MICAL3: variants seen among roughly 807,000 people sequenced by gnomAD.
MICAL3 encodes the protein [F-actin]-monooxygenase MICAL3.
Under a neutral mutation model 207.4 loss-of-function variants are expected in MICAL3, and 62 were observed. The ratio of observed to expected loss-of-function variants is 0.30; its 90% confidence interval spans 0.24 to 0.37. The LOEUF is 0.37. MICAL3 is among the 10% of genes least tolerant of loss of function. The pLI is 1.00. For missense variants in MICAL3, 2,368 were observed against 2,635.6 expected (o/e 0.90, Z 2.22); for synonymous variants, 1,077 against 1,069.3 (o/e 1.01, Z -0.14).
intron 22 of MICAL3, chr22:17,826,637 C>T (rs1370095357): frequency 2.8e-5 from 9 of 323,976 alleles, no homozygotes; most frequent in East Asian, 3.4e-4. Flanking sequence ...TCAGGACAGA[C>T]GCCTGTCTGG....
At chr22:18,008,889 A>G (rs2146500880) in intron 1 of MICAL3, among the ~76,000 whole-genome samples, 1 of 151,548 alleles carries the variant, frequency 6.6e-6, no homozygotes, top group South Asian at 2.1e-4. Flanking sequence ...GCACCACTAC[A>G]CTCCAGCCTG....
rs188439258 is a variant in MICAL3, at chr22:17,881,901, C to T, written c.2241+3977G>A. On this transcript the variant is annotated intron_variant, in intron 16 of 31. Coordinates refer to ENST00000441493, the MANE Select transcript of MICAL3 (RefSeq NM_015241.3). ...GTCCCTGGCTTTTCCCTCATTTCTG[C>T]CCCCTCCACCGTATTCCCTTCGAGA... Among the ~76,000 whole-genome samples, 28 of 152,336 alleles carry T rather than the reference C, an allele frequency of 1.8e-4. No individual in the cohort carries two copies. In the East Asian group the frequency reaches 5.0e-3, roughly 27 times the overall value.
chr22:18,012,425 A>G (rs1222513914), intron 1 of MICAL3, among the ~76,000 whole-genome samples: 1 of 152,054 alleles, frequency 6.6e-6, no homozygotes, highest in African/African-American at 2.4e-5. Flanking sequence ...ACCCTCTTTC[A>G]AACTTTTGGA....
chr22:17,987,535 G>A (rs148589265), intron 1 of MICAL3, among the ~76,000 whole-genome samples: 47 of 152,336 alleles, frequency 3.1e-4, no homozygotes, highest in African/African-American at 9.6e-4. Flanking sequence ...GCGTGCTGGG[G>A]AACCGCTGCA....
chr22:17,933,673 A>C (rs1344253080), intron 1 of MICAL3, among the ~76,000 whole-genome samples: 1 of 152,258 alleles, frequency 6.6e-6, no homozygotes, highest in Non-Finnish European at 1.5e-5. Context: ...CAAAAAAATC[A>C]ATGAATCCAA....
intron 1 of MICAL3, among the ~76,000 whole-genome samples, chr22:17,999,476 C>T (rs1922682979): frequency 6.6e-6 from 1 of 152,222 alleles, no homozygotes; most frequent in African/African-American, 2.4e-5. Context: ...CCAATATCAT[C>T]ATCCCCAGGT....
chr22:18,020,497 T>C (rs1171167994), intron 1 of MICAL3, among the ~76,000 whole-genome samples: 1 of 151,254 alleles, frequency 6.6e-6, no homozygotes, highest in Admixed American at 6.6e-5. Flanking sequence ...TTTAAAATAA[T>C]GTAATCATCA....
At chr22:17,955,574 C>T (rs778350967) in intron 1 of MICAL3, among the ~76,000 whole-genome samples, 15 of 152,330 alleles carry the variant, frequency 9.8e-5, no homozygotes, top group South Asian at 2.1e-4. Flanking sequence ...CACTGAAAAG[C>T]CAAGAGATGC....
intron 22 of MICAL3, among the ~76,000 whole-genome samples, chr22:17,824,137 C>T (rs940240965): frequency 2.6e-5 from 4 of 152,166 alleles, no homozygotes; most frequent in Admixed American, 1.3e-4. Context: ...AGGAAGAGGG[C>T]GGCACGCTCT....
chr22:17,949,251 A>G (rs1164368041), intron 1 of MICAL3, among the ~76,000 whole-genome samples: 1 of 152,174 alleles, frequency 6.6e-6, no homozygotes, highest in African/African-American at 2.4e-5. Context: ...TCAAAGATTA[A>G]CAAGAATCCA....
chr22:17,878,177 G>A (rs1465480865), intron 16 of MICAL3, among the ~76,000 whole-genome samples: 3 of 152,194 alleles, frequency 2.0e-5, no homozygotes, highest in East Asian at 1.9e-4. Context: ...TCTTTTAGGC[G>A]CTGTTTCATT....
At chr22:17,919,909 A>C (rs891236458) in intron 1 of MICAL3, among the ~76,000 whole-genome samples, 49 of 152,390 alleles carry the variant, frequency 3.2e-4, no homozygotes, top group Non-Finnish European at 6.6e-4. Flanking sequence ...CTGCGGTATC[A>C]GTGTCAGCAA....
chr22:17,811,159 T>C (rs1569074830), intron 27 of MICAL3: 1 of 182,028 alleles, frequency 5.5e-6, no homozygotes, highest in Non-Finnish European at 1.2e-5. Flanking sequence ...CACGCTCCTT[T>C]ATCACTGAGA....
intron 12 of MICAL3, among the ~76,000 whole-genome samples, 199 bp from the exon 13 acceptor site, chr22:17,889,429 AG>A (rs1930213102): frequency 6.6e-6 from 1 of 150,804 alleles, no homozygotes; most frequent in Admixed American, 6.6e-5. Context: ...AAGCAACCTC[AG>A]GAAGTGATGA....
intron 1 of MICAL3, among the ~76,000 whole-genome samples, chr22:17,917,528 C>T (rs945886245): frequency 6.6e-6 from 1 of 152,212 alleles, no homozygotes; most frequent in Non-Finnish European, 1.5e-5. Context: ...TTGCTCATTG[C>T]ATGAGCCTCC....
chr22:17,842,987 G>A (rs1404422991), intron 19 of MICAL3, among the ~76,000 whole-genome samples: 1 of 152,116 alleles, frequency 6.6e-6, no homozygotes, highest in African/African-American at 2.4e-5. Context: ...CAGGCACGGT[G>A]GCGGGCGCCT....
At chr22:17,795,193 C>T (rs565041009) in intron 29 of MICAL3, among the ~76,000 whole-genome samples, 18 of 152,362 alleles carry the variant, frequency 1.2e-4, no homozygotes, top group Non-Finnish European at 1.9e-4. Flanking sequence ...ACACACGGCA[C>T]AGCCGGCCGA....
At chr22:17,861,279 C>A in intron 19 of MICAL3, 1 of 985,352 alleles carries the variant, frequency 1.0e-6, no homozygotes, top group Non-Finnish European at 1.2e-6. Flanking sequence ...AACTATGGAA[C>A]CTCATGGTTA....
chr22:17,875,374 C>T (rs1928182316), intron 16 of MICAL3: 3 of 922,150 alleles, frequency 3.3e-6, no homozygotes, highest in Admixed American at 3.5e-5. Flanking sequence ...TCCTGGGGTA[C>T]ATGACACTTG....
Sources: gnomAD v4.1 joint callset for allele counts (sites outside exome capture counted in the v4.1 genomes callset) on GRCh38, gnomAD v4.1.1 for gene constraint, MANE v1.5 for transcripts, NCBI Gene and HGNC (gene_info 2026-07-23, HGNC 2026-07-21) for gene names.